The following CC2D2B variants were observed in gnomAD, a reference collection of about 807,000 sequenced individuals.
The protein encoded by CC2D2B is protein CC2D2B.
Under a neutral mutation model 161.2 loss-of-function variants are expected in CC2D2B, and 128 were observed. That is an observed-to-expected ratio of 0.79 (90% confidence interval 0.69 to 0.92). CC2D2B has a LOEUF of 0.92. CC2D2B is among the 40% of genes least tolerant of loss of function. The probability of loss-of-function intolerance (pLI) is 0.00; values close to 1 mark genes in which losing one functional copy is unlikely to be tolerated. For synonymous variants in CC2D2B, 391 were observed against 449.8 expected, an observed-to-expected ratio of 0.87 and a Z score of 1.65; for missense variants, 1,173 against 1,375.1, an observed-to-expected ratio of 0.85 and a Z score of 2.32.
At chr10:95,938,982 C>T (rs1298757801) in intron 9 of CC2D2B, 57 bp downstream of exon 9, 22 of 632,266 alleles carry the variant, frequency 3.5e-5, no homozygotes, top group Middle Eastern at 3.8e-4. Context: ...TATCAATTAT[C>T]GCTGGTGGTT....
chr10:95,999,816 C>A, intron 24 of CC2D2B: 1 of 425,408 alleles, frequency 2.4e-6, no homozygotes. Flanking sequence ...GCAGCTCAGG[C>A]TCCTTCCCAT....
chr10:95,937,276 C>G lies in CC2D2B; in HGVS notation c.337-715C>G, dbSNP rs143534805. 2.0e-5 allele frequency among the ~76,000 whole-genome samples: 3 copies of G among 152,194 alleles called. No individual in the cohort carries two copies. The East Asian group carries it at 5.8e-4, about 29-fold the overall frequency. On this transcript the variant is annotated intron_variant, in intron 6 of 34. Coordinates refer to ENST00000646931, the MANE Select transcript of CC2D2B (RefSeq NM_001349008.3). ...AAAACTGAGGGATTTTTGTCTGACT[C>G]ACACACTGTCTCTGTTGTTCAGTAT...
chr10:95,944,269 C>T (rs577691150), intron 9 of CC2D2B, among the ~76,000 whole-genome samples: 30 of 152,286 alleles, frequency 2.0e-4, no homozygotes, highest in Admixed American at 1.3e-3. Context: ...AGCAATGTCT[C>T]TGCCCCATCC....
Position 95,981,995 on chromosome 10 carries a change from C to A in CC2D2B, c.1964C>A (p.Ala655Glu). 8.1e-7 allele frequency: 1 copy of A among 1,229,942 alleles called. No homozygotes were observed. The allele number at this position is 1,229,942 out of a possible 1,614,324, so 76.2% of individuals were successfully genotyped here. ...SYCSMLRNVD[A>E]RSVPGIPWLM... is the part of the protein sequence containing the mutation. Reference sequence around the variant, plus strand: ...GTTAGTATGTTAAGGAATGTAGATGCAAGAAGTGTTCCTGGAATTCCATGG... The same window carrying A: ...GTTAGTATGTTAAGGAATGTAGATGAAAGAAGTGTTCCTGGAATTCCATGG... The change falls in exon 18 of 35, where the codon GCA becomes GAA. Residue 655 changes from alanine (A) to glutamate (E), a missense_variant. Transcript: ENST00000646931.
At chr10:95,933,621 T>G (rs1408236489) in intron 6 of CC2D2B, among the ~76,000 whole-genome samples, 1 of 152,174 alleles carries the variant, frequency 6.6e-6, no homozygotes, top group Non-Finnish European at 1.5e-5. Context: ...TTTGTTAGTT[T>G]TCCTTGTAAG....
Position 95,927,423 on chromosome 10 carries a change from A to T in CC2D2B, c.336+91A>T, listed in dbSNP as rs535406113. On this transcript the variant is annotated intron_variant, in intron 6 of 34. Transcript: ENST00000646931. The stretch of plus-strand genomic sequence containing the variant: ...GCAGAATGAAATACTTGGACGGGAG[A>T]TAAAGTTTTATTATTGTGCCTTCAT... 44 of 706,292 alleles carry T rather than the reference A, an allele frequency of 6.2e-5. No individual in the cohort carries two copies. In the East Asian group the frequency reaches 9.4e-4, roughly 15 times the overall value. The allele number at this position is 706,292 out of a possible 1,614,324, so 43.8% of individuals were successfully genotyped here. A position where few individuals can be genotyped will look rare whatever the true frequency, so the allele number is the denominator to read the frequency against.
intron 2 of CC2D2B, among the ~76,000 whole-genome samples, chr10:95,916,276 T>C (rs1239857585): frequency 2.0e-5 from 3 of 152,112 alleles, no homozygotes; most frequent in African/African-American, 7.2e-5. Context: ...TTTTATTTAT[T>C]TGGGTTTTCT....
rs771112303 is a variant in CC2D2B at position 95,927,223 on chromosome 10, C to G, written c.241-14C>G. The G allele has an allele frequency of 3.2e-5, 46 of 1,438,940 alleles. No individual in the cohort carries two copies. The highest frequency in any genetic ancestry group is 4.2e-5 in the Non-Finnish European group (44 of 1,048,054). The allele number at this position is 1,438,940 out of a possible 1,614,324, so 89.1% of individuals were successfully genotyped here. Reference sequence around the variant, plus strand: ...AAAGTGTTTATTTCAACACTAAATACTGGTTTATCATAGTTGTCTCCACAG... The same window carrying G: ...AAAGTGTTTATTTCAACACTAAATAGTGGTTTATCATAGTTGTCTCCACAG... On this transcript the variant is annotated splice_polypyrimidine_tract_variant and intron_variant, in intron 5 of 34. Coordinates refer to ENST00000646931, the MANE Select transcript of CC2D2B (RefSeq NM_001349008.3).
At chr10:96,002,317 T>G (rs2078534471) in intron 24 of CC2D2B, among the ~76,000 whole-genome samples, 1 of 152,106 alleles carries the variant, frequency 6.6e-6, no homozygotes. Flanking sequence ...CCTCTTCTTG[T>G]GACATTTTAG....
intron 22 of CC2D2B, among the ~76,000 whole-genome samples, chr10:95,993,942 G>GTATA (rs1159212300): frequency 6.3e-4 from 16 of 25,366 alleles, no homozygotes; most frequent in Non-Finnish European, 1.1e-3. Flanking sequence ...GTGTGTGTGT[G>GTATA]TATGTATGTG....
At chr10:96,003,586 T>TTGTGTG (rs68085058) in intron 24 of CC2D2B, among the ~76,000 whole-genome samples, 15,380 of 127,500 alleles carry the variant, frequency 0.12, 1,101 homozygotes, top group Middle Eastern at 0.17. Context: ...GCCCGGCTAA[T>TTGTGTG]TGTGTGTGTG....
intron 24 of CC2D2B, among the ~76,000 whole-genome samples, chr10:95,996,939 C>CT (rs1469199798): frequency 6.6e-6 from 1 of 152,188 alleles, no homozygotes; most frequent in Non-Finnish European, 1.5e-5. Flanking sequence ...TGTGGGTTCA[C>CT]TTTCTTCTAC....
intron 17 of CC2D2B, among the ~76,000 whole-genome samples, chr10:95,975,424 T>C (rs2141534824): frequency 1.3e-5 from 2 of 152,234 alleles, no homozygotes; most frequent in Middle Eastern, 3.4e-3. Flanking sequence ...GTGGGGGTAG[T>C]TTACTTACCA....
intron 24 of CC2D2B, among the ~76,000 whole-genome samples, chr10:96,000,463 G>A (rs1021844466): frequency 6.6e-6 from 1 of 151,924 alleles, no homozygotes; most frequent in Non-Finnish European, 1.5e-5. Flanking sequence ...TCCCAGGTTC[G>A]AACCATTCTC....
intron 1 of CC2D2B, among the ~76,000 whole-genome samples, chr10:95,910,850 T>C (rs2098505083): frequency 6.6e-6 from 1 of 152,220 alleles, no homozygotes; most frequent in Admixed American, 6.5e-5. Flanking sequence ...TTAATTAAAA[T>C]AATTCCTTAG....
At chr10:95,921,856 T>G in intron 2 of CC2D2B, 160 bp from the exon 3 acceptor site, 1 of 410,580 alleles carries the variant, frequency 2.4e-6, no homozygotes, top group East Asian at 4.2e-5. Flanking sequence ...AAATGACGAG[T>G]TGATGGGTGC....
Position 95,992,645 on chromosome 10 carries a change from G to A in CC2D2B, c.2590G>A (p.Val864Ile). Residue 864 changes from valine to isoleucine, a missense_variant, in exon 22 of 35, where the codon GTC (valine) becomes ATC (isoleucine). This residue lies in a region of CC2D2B where 598 missense variants were observed against 693.2 expected (regional missense o/e 0.86). Coordinates refer to ENST00000646931, the MANE Select transcript of CC2D2B (RefSeq NM_001349008.3). ...CTCTGACGGAGATATTAAGATTCTT[G>A]TCCGAATAGTGAGGGCCTATAATAT... ...AISDGDIKIL[V>I]RIVRAYNIPT... 8.1e-7 allele frequency: 1 copy of A among 1,234,248 alleles called. No individual in the cohort carries two copies. The highest frequency in any genetic ancestry group is 1.0e-6 in the Non-Finnish European group (1 of 988,074). 76.5% of individuals were successfully genotyped at this position (1,234,248 alleles called of 1,614,324 possible).
At chr10:96,013,488 ATAAAT>A (rs2141869218) in intron 28 of CC2D2B, among the ~76,000 whole-genome samples, 1 of 91,646 alleles carries the variant, frequency 1.1e-5, no homozygotes, top group Non-Finnish European at 2.2e-5. Flanking sequence ...AATTTTAGTA[ATAAAT>A]TAAATAATTA....
chr10:95,939,526 G>GTTATGTATAT, intron 9 of CC2D2B, among the ~76,000 whole-genome samples: 1 of 151,938 alleles, frequency 6.6e-6, no homozygotes. Flanking sequence ...CTGGGTTATA[G>GTTATGTATAT]GTTTGTATAT....
Sources: allele counts gnomAD v4.1 joint callset (sites outside exome capture counted in the v4.1 genomes callset), GRCh38; gene constraint gnomAD v4.1.1; regional missense constraint gnomAD v4.1.1; transcripts MANE v1.5; gene names NCBI Gene and HGNC (gene_info 2026-07-23, HGNC 2026-07-21).